Variants in MARCHF5 observed in about 807,000 individuals in gnomAD.
MARCHF5 encodes the protein E3 ubiquitin-protein ligase MARCHF5.
A neutral mutation model predicts 36.5 loss-of-function variants in MARCHF5; 5 were observed. The ratio of observed to expected loss-of-function variants is 0.14; its 90% confidence interval spans 0.07 to 0.29. The LOEUF is 0.29. Ranked by LOEUF, MARCHF5 falls within the 10% of genes least tolerant of loss-of-function variation. The pLI is 1.00. For missense variants in MARCHF5, 179 were observed against 336.3 expected (o/e 0.53, Z 3.66); for synonymous variants, 103 against 109.9 (o/e 0.94, Z 0.39).
At chr10:92,327,352 TA>T (rs920654279) in intron 2 of MARCHF5, among the ~76,000 whole-genome samples, 23 of 146,734 alleles carry the variant, frequency 1.6e-4, no homozygotes, top group Middle Eastern at 3.5e-3. Flanking sequence ...AAGAGCTTTT[TA>T]AAAAAAAAAA....
chr10:92,331,850 T>C (rs1212078142), intron 2 of MARCHF5, among the ~76,000 whole-genome samples: 1 of 148,002 alleles, frequency 6.8e-6, no homozygotes, highest in Non-Finnish European at 1.5e-5. Flanking sequence ...TATTTTCATA[T>C]ATAATCATAT....
At chr10:92,318,474 A>G (rs1469595881) in intron 2 of MARCHF5, among the ~76,000 whole-genome samples, 1 of 151,096 alleles carries the variant, frequency 6.6e-6, no homozygotes, top group Non-Finnish European at 1.5e-5. Flanking sequence ...TAATCCCAGC[A>G]TTTTGGGAGG....
intron 1 of MARCHF5, among the ~76,000 whole-genome samples, chr10:92,301,470 C>T (rs1843010874): frequency 6.6e-6 from 1 of 152,240 alleles, no homozygotes. Flanking sequence ...CCATGCCTCT[C>T]TGCTTACTGT....
chr10:92,330,374 ACAATCTTTTTTTAAAAGGAG>A (rs1185974742), intron 2 of MARCHF5, among the ~76,000 whole-genome samples: 1 of 152,208 alleles, frequency 6.6e-6, no homozygotes, highest in Non-Finnish European at 1.5e-5. Context: ...ACATAACTAT[ACAATCTTTTTTTAAAAGGAG>A]GGGAGGATAA....
In MARCHF5 at chr10:92,349,671, G is replaced by A. The variant is rs1044903234; in HGVS notation, c.554G>A (p.Gly185Glu). 6.2e-7 allele frequency: 1 copy of A among 1,611,952 alleles called. No homozygotes were observed. The highest frequency in any genetic ancestry group is 8.5e-7 in the Non-Finnish European group (1 of 1,179,416). Reference sequence around the variant, plus strand: ...AACGCACTGCATTTTTTTCCTCTAGGGATAGGTTGTCCTGTTCCTCGAATT... The same window carrying A: ...AACGCACTGCATTTTTTTCCTCTAGAGATAGGTTGTCCTGTTCCTCGAATT... Reference protein sequence around the residue: ...KLQILNSIFPGIGCPVPRIPA... With the variant: ...KLQILNSIFPEIGCPVPRIPA... Residue 185 changes from glycine to glutamate, a missense_variant and splice_region_variant, in exon 5 of 6, where the codon GGG becomes GAG. Around this residue, in one of 3 missense-constraint regions of MARCHF5, gnomAD observed 95 missense variants for 139.5 expected, o/e 0.68. Coordinates refer to ENST00000358935, the MANE Select transcript of MARCHF5 (RefSeq NM_017824.5).
chr10:92,347,420 G>A, intron 3 of MARCHF5, among the ~76,000 whole-genome samples: 1 of 151,964 alleles, frequency 6.6e-6, no homozygotes, highest in Non-Finnish European at 1.5e-5. Context: ...AGGAGGTGGA[G>A]GTTGCAGTGA....
intron 2 of MARCHF5, among the ~76,000 whole-genome samples, chr10:92,325,382 A>G (rs570805073): frequency 6.6e-6 from 1 of 152,244 alleles, no homozygotes; most frequent in Non-Finnish European, 1.5e-5. Context: ...GAAGTCTCCA[A>G]TTACTGTTAA....
At chr10:92,340,629 G>A in intron 2 of MARCHF5, 44 bp from the exon 3 acceptor site, 1 of 1,533,808 alleles carries the variant, frequency 6.5e-7, no homozygotes, top group Non-Finnish European at 8.8e-7. Flanking sequence ...CATTTTAAAA[G>A]TTCACCCTGT....
At chr10:92,314,777 T>TGTTGA (rs1843189777) in intron 2 of MARCHF5, among the ~76,000 whole-genome samples, 1 of 135,714 alleles carries the variant, frequency 7.4e-6, no homozygotes, top group Non-Finnish European at 1.5e-5. Flanking sequence ...GGTTGGGTCT[T>TGTTGA]GCTATGTTGT....
chr10:92,339,116 T>A (rs952789048), intron 2 of MARCHF5, among the ~76,000 whole-genome samples: 2 of 151,570 alleles, frequency 1.3e-5, no homozygotes, highest in African/African-American at 4.9e-5. Flanking sequence ...ATGCCTGTAA[T>A]CCCAGCACTT....
intron 1 of MARCHF5, among the ~76,000 whole-genome samples, chr10:92,296,321 A>G (rs150749803): frequency 0.012 from 1,820 of 152,318 alleles, 37 homozygotes; most frequent in African/African-American, 0.041. Flanking sequence ...TGAATGTTTC[A>G]GTGTCACAAA....
At chr10:92,304,784 A>G (rs909788219) in intron 1 of MARCHF5, among the ~76,000 whole-genome samples, 2 of 152,164 alleles carry the variant, frequency 1.3e-5, no homozygotes, top group Non-Finnish European at 2.9e-5. Flanking sequence ...CCCCTCATTC[A>G]GATTTACCGA....
chr10:92,291,314 G>C lies in MARCHF5; in HGVS notation c.-181G>C, dbSNP rs1842855989. ...TCCTCGCTCTCCGCCGCCTCCGCCG[G>C]ACTCCCGCAGGCCCTGCACCGCCGC... On this transcript the variant is annotated 5_prime_UTR_variant, in exon 1 of 6. Transcript: ENST00000358935. 3.4e-6 allele frequency: 2 copies of C among 583,498 alleles called. No individual in the cohort carries two copies. Among genetic ancestry groups the C allele is most frequent in the East Asian group, 3.4e-5 (1 of 29,682 alleles). The allele number at this position is 583,498 out of a possible 1,614,324, so 36.1% of individuals were successfully genotyped here.
At chr10:92,323,246 C>G (rs564967369) in intron 2 of MARCHF5, among the ~76,000 whole-genome samples, 5 of 152,076 alleles carry the variant, frequency 3.3e-5, no homozygotes, top group South Asian at 2.1e-4. Flanking sequence ...GATTTTAGAG[C>G]CTTTTTAGGT....
rs1054695117 is a variant in MARCHF5 at position 92,353,875 on chromosome 10, T to G, written c.*2668T>G. On this transcript the variant is annotated 3_prime_UTR_variant, in exon 6 of 6. Transcript: ENST00000358935. Reference sequence around the variant, plus strand: ...TTAATTAGTCACTGCCTTGCTAACTTTGCTGTAATTTTTTTAAACGTCTTG... The same window carrying G: ...TTAATTAGTCACTGCCTTGCTAACTGTGCTGTAATTTTTTTAAACGTCTTG... The G allele has an allele frequency of 5.9e-5, 9 of 152,612 alleles. No homozygotes were observed. Among genetic ancestry groups the G allele is most frequent in the African/African-American group, 2.2e-4 (9 of 41,446 alleles). The allele number at this position is 152,612 out of a possible 1,614,324, so 9.5% of individuals were successfully genotyped here.
At chr10:92,341,371 C>T (rs572119154) in intron 3 of MARCHF5, among the ~76,000 whole-genome samples, 153 of 152,048 alleles carry the variant, frequency 1.0e-3, no homozygotes, top group Non-Finnish European at 1.8e-3. Flanking sequence ...CCACTGCACT[C>T]CAGCACAGGC....
At chr10:92,303,552 T>C (rs1414049647) in intron 1 of MARCHF5, among the ~76,000 whole-genome samples, 1 of 152,154 alleles carries the variant, frequency 6.6e-6, no homozygotes, top group African/African-American at 2.4e-5. Flanking sequence ...CGTATGCATG[T>C]TTGTTCGTTA....
rs1345190482 is a variant in MARCHF5 at position 92,351,871 on chromosome 10, A to G, written c.*664A>G. 1 of 150,520 alleles carries G rather than the reference A, an allele frequency of 6.6e-6. No homozygotes were observed. The highest frequency in any genetic ancestry group is 1.5e-5 in the Non-Finnish European group (1 of 67,584). The allele number at this position is 150,520 out of a possible 1,614,324, so 9.3% of individuals were successfully genotyped here. On this transcript the variant is annotated 3_prime_UTR_variant, in exon 6 of 6. Transcript: ENST00000358935. ...TATTTACATAATGTTGACATCTCAT[A>G]CTTCATGAAGTAATTTTGACTCATG...
chr10:92,311,033 A>C (rs780964739), intron 1 of MARCHF5, 102 bp from the exon 2 acceptor site: 54 of 771,114 alleles, frequency 7.0e-5, no homozygotes, highest in Admixed American at 1.0e-4. Flanking sequence ...GAGATTCTGT[A>C]ATATAACATA....
Sources: allele counts gnomAD v4.1 joint callset (sites outside exome capture counted in the v4.1 genomes callset), GRCh38; gene constraint gnomAD v4.1.1; regional missense constraint gnomAD v4.1.1; transcripts MANE v1.5; gene names NCBI Gene and HGNC (gene_info 2026-07-23, HGNC 2026-07-21).